The following DCAF8L2 variants were observed in gnomAD, a reference collection of about 807,000 sequenced individuals.
DCAF8L2 encodes DDB1- and CUL4-associated factor 8-like protein 2.
For synonymous variants in DCAF8L2, 200 were observed against 190.9 expected (o/e 1.05, Z -0.39); for missense variants, 430 against 490.7 (o/e 0.88, Z 1.17).
chrX:27,611,260 TAGA>T (rs1021557295), intron 1 of DCAF8L2, among the ~76,000 whole-genome samples: 5 of 111,039 alleles, frequency 4.5e-5, no homozygotes, highest in African/African-American at 1.6e-4. Flanking sequence ...ATCTGAGCTT[TAGA>T]ATATACCTTT....
At chrX:27,555,301 T>C in the DCAF8L2 span, among the ~76,000 whole-genome samples, 2 of 112,245 alleles carry the variant, frequency 1.8e-5, no homozygotes, top group Non-Finnish European at 3.8e-5. Context: ...GCATGCAGAT[T>C]GACGTGTGAG....
chrX:27,666,834 G>A (rs979739753), intron 2 of DCAF8L2, among the ~76,000 whole-genome samples: 1 of 111,664 alleles, frequency 9.0e-6, no homozygotes, highest in African/African-American at 3.3e-5. Context: ...TCCTTTCATT[G>A]TAACATATTA....
intron 2 of DCAF8L2, among the ~76,000 whole-genome samples, chrX:27,648,333 A>G (rs1193078492): frequency 9.1e-6 from 1 of 109,911 alleles, no homozygotes. Context: ...TTGTTTAGGG[A>G]TATGTGAATA....
At chrX:27,571,778 G>A in the DCAF8L2 span, among the ~76,000 whole-genome samples, 1 of 111,261 alleles carries the variant, frequency 9.0e-6, no homozygotes, top group Non-Finnish European at 1.9e-5. Flanking sequence ...TATCCTGTTG[G>A]GAAAACACAT....
the DCAF8L2 span, among the ~76,000 whole-genome samples, chrX:27,559,116 A>G: frequency 3.6e-5 from 4 of 110,661 alleles, no homozygotes; most frequent in African/African-American, 1.3e-4. Flanking sequence ...TCCCCCAGCC[A>G]TGCCTCCTGT....
At chrX:27,501,781 A>T in the DCAF8L2 span, among the ~76,000 whole-genome samples, 1 of 110,596 alleles carries the variant, frequency 9.0e-6, no homozygotes, top group African/African-American at 3.3e-5. Flanking sequence ...TGGGGTTGAG[A>T]GGAAGCAAGG....
chrX:27,506,740 G>T, the DCAF8L2 span, among the ~76,000 whole-genome samples: 1 of 111,153 alleles, frequency 9.0e-6, no homozygotes, highest in East Asian at 2.8e-4. Context: ...CCAAGCTGCA[G>T]TGCAGTGGCG....
At chrX:27,595,933 G>A (rs1926336882) in intron 1 of DCAF8L2, among the ~76,000 whole-genome samples, 1 of 111,923 alleles carries the variant, frequency 8.9e-6, no homozygotes, top group Admixed American at 9.5e-5. Context: ...GGGAGGCTGA[G>A]GCAGGAGGAT....
chrX:27,494,792 CT>C, the DCAF8L2 span, among the ~76,000 whole-genome samples: 211 of 112,032 alleles, frequency 1.9e-3, no homozygotes, highest in African/African-American at 6.2e-3. Context: ...GTTCTGTTCT[CT>C]TTGCATTGAA....
intron 3 of DCAF8L2, among the ~76,000 whole-genome samples, chrX:27,683,152 T>C (rs1440033059): frequency 8.9e-6 from 1 of 112,201 alleles, no homozygotes; most frequent in African/African-American, 3.2e-5. Flanking sequence ...AATTTCATAC[T>C]GGCAAATCTT....
At chrX:27,547,845 T>TCTCTCTCTCTCTCTCTC in the DCAF8L2 span, among the ~76,000 whole-genome samples, 1 of 46,288 alleles carries the variant, frequency 2.2e-5, no homozygotes, top group African/African-American at 7.3e-5. Context: ...CTCTCTCTCT[T>TCTCTCTCTCTCTCTCTC]TCTCTCTCTC....
intron 3 of DCAF8L2, among the ~76,000 whole-genome samples, chrX:27,679,729 G>A (rs577121464): frequency 4.5e-5 from 5 of 111,227 alleles, no homozygotes; most frequent in African/African-American, 1.6e-4. Context: ...TTTATAGTAG[G>A]CTTGATTGCA....
chrX:27,528,436 A>G, the DCAF8L2 span, among the ~76,000 whole-genome samples: 1 of 100,866 alleles, frequency 9.9e-6, no homozygotes, highest in Non-Finnish European at 2.0e-5. Context: ...ATATATATGT[A>G]TGTGTATATA....
intron 2 of DCAF8L2, among the ~76,000 whole-genome samples, chrX:27,668,899 C>T (rs776252085): frequency 9.3e-6 from 1 of 108,037 alleles, no homozygotes; most frequent in Non-Finnish European, 1.9e-5. Flanking sequence ...CGTGCCACTG[C>T]ACTCCAGCCT....
At chrX:27,499,422 TA>T in the DCAF8L2 span, among the ~76,000 whole-genome samples, 337 of 112,431 alleles carry the variant, frequency 3.0e-3, no homozygotes, top group African/African-American at 0.01. Flanking sequence ...TCAGGTTATT[TA>T]TTTTTTGGCT....
chrX:27,472,946 A>G, the DCAF8L2 span, among the ~76,000 whole-genome samples: 1 of 111,974 alleles, frequency 8.9e-6, no homozygotes. Flanking sequence ...CAGTACTACT[A>G]TCTTGACCCT....
At chrX:27,476,545 T>C in the DCAF8L2 span, among the ~76,000 whole-genome samples, 1 of 110,953 alleles carries the variant, frequency 9.0e-6, no homozygotes, top group African/African-American at 3.3e-5. Context: ...TTGAGGTACA[T>C]ACACAGAATA....
intron 3 of DCAF8L2, among the ~76,000 whole-genome samples, chrX:27,679,016 C>G (rs772848213): frequency 1.8e-5 from 2 of 111,199 alleles, no homozygotes. Context: ...GAGTTTAGAA[C>G]TAAAGATGAT....
the DCAF8L2 span, among the ~76,000 whole-genome samples, chrX:27,497,314 A>G: frequency 9.0e-6 from 1 of 111,650 alleles, no homozygotes; most frequent in Non-Finnish European, 1.9e-5. Flanking sequence ...TGAAAAACAC[A>G]TAAAATAAAC....
Sources: gnomAD v4.1 joint callset for allele counts (sites outside exome capture counted in the v4.1 genomes callset) on GRCh38, gnomAD v4.1.1 for gene constraint, MANE v1.5 for transcripts, NCBI Gene and HGNC (gene_info 2026-07-23, HGNC 2026-07-21) for gene names.